CDH13: variants seen among roughly 807,000 people sequenced by gnomAD.
CDH13 encodes the protein cadherin 13, also known as cadherin-13.
A neutral mutation model predicts 63.8 loss-of-function variants in CDH13; 24 were observed. That is an observed-to-expected ratio of 0.38 (90% CI 0.27 to 0.53). The LOEUF is 0.53. Among genes scored for constraint, CDH13 ranks in the 20% least tolerant of loss-of-function variants. The pLI is 0.85. For synonymous variants in CDH13, 503 were observed against 355.3 expected, an observed-to-expected ratio of 1.42 and a Z score of -4.67; for missense variants, 1,049 against 903.1, an observed-to-expected ratio of 1.16 and a Z score of -2.07.
intron 2 of CDH13, among the ~76,000 whole-genome samples, chr16:82,882,415 C>T (rs2040736305): frequency 6.6e-6 from 1 of 152,158 alleles, no homozygotes. Context: ...AACTCCGCTG[C>T]CAATGACCAC....
At chr16:83,030,072 C>T (rs1416975141) in intron 2 of CDH13, among the ~76,000 whole-genome samples, 1 of 152,182 alleles carries the variant, frequency 6.6e-6, no homozygotes, top group Non-Finnish European at 1.5e-5. Flanking sequence ...GATCAGCCGT[C>T]ACAGCCTCTG....
intron 1 of CDH13, among the ~76,000 whole-genome samples, chr16:82,854,490 C>G (rs1438525688): frequency 6.6e-6 from 1 of 151,584 alleles, no homozygotes; most frequent in Non-Finnish European, 1.5e-5. Flanking sequence ...AGATATTTAG[C>G]TTTTGGGGAA....
At chr16:82,995,815 C>T (rs1394876207) in intron 2 of CDH13, among the ~76,000 whole-genome samples, 1 of 152,128 alleles carries the variant, frequency 6.6e-6, no homozygotes, top group Non-Finnish European at 1.5e-5. Flanking sequence ...GATCACGCTG[C>T]ATCCATTGAG....
intron 5 of CDH13, among the ~76,000 whole-genome samples, chr16:83,235,026 C>A (rs1270991150): frequency 6.6e-6 from 1 of 152,124 alleles, no homozygotes; most frequent in Non-Finnish European, 1.5e-5. Context: ...GAGATTCCAT[C>A]TCTACAAAGT....
intron 10 of CDH13, among the ~76,000 whole-genome samples, chr16:83,691,538 C>T (rs1453772872): frequency 2.6e-5 from 4 of 152,202 alleles, no homozygotes; most frequent in South Asian, 2.1e-4. Context: ...AGTACATAGC[C>T]AGCCAGGTGC....
chr16:83,617,789 A>T (rs1177770527), intron 8 of CDH13, among the ~76,000 whole-genome samples: 1 of 151,922 alleles, frequency 6.6e-6, no homozygotes, highest in Admixed American at 6.6e-5. Context: ...ATATGCACAT[A>T]TCTTAATATG....
intron 11 of CDH13, among the ~76,000 whole-genome samples, chr16:83,748,785 T>A (rs1233833919): frequency 6.6e-6 from 1 of 152,242 alleles, no homozygotes; most frequent in Non-Finnish European, 1.5e-5. Flanking sequence ...CCTGATTAGA[T>A]GCTGGGGGCG....
At chr16:82,964,263 C>A (rs1351503147) in intron 2 of CDH13, among the ~76,000 whole-genome samples, 1 of 152,210 alleles carries the variant, frequency 6.6e-6, no homozygotes, top group East Asian at 1.9e-4. Context: ...GCATTTTACT[C>A]TGTAATACAG....
At chr16:83,691,308 TGGGTATCA>T (rs1904857269) in intron 10 of CDH13, among the ~76,000 whole-genome samples, 1 of 152,124 alleles carries the variant, frequency 6.6e-6, no homozygotes, top group African/African-American at 2.4e-5. Flanking sequence ...GCACATGAGC[TGGGTATCA>T]GGGGGCGTTT....
At chr16:83,526,578 G>C (rs374481326) in intron 7 of CDH13, among the ~76,000 whole-genome samples, 1 of 152,192 alleles carries the variant, frequency 6.6e-6, no homozygotes, top group East Asian at 1.9e-4. Context: ...TCGCTTGCTA[G>C]CCCACTGCTC....
intron 2 of CDH13, among the ~76,000 whole-genome samples, chr16:82,939,395 C>G (rs1035272361): frequency 6.8e-6 from 1 of 146,536 alleles, no homozygotes; most frequent in East Asian, 2.2e-4. Flanking sequence ...TGCACTCCAG[C>G]CTGGGTGACA....
intron 2 of CDH13, among the ~76,000 whole-genome samples, chr16:83,019,789 C>A (rs928316443): frequency 6.7e-6 from 1 of 149,100 alleles, no homozygotes; most frequent in Non-Finnish European, 1.5e-5. Flanking sequence ...AGCCACCATG[C>A]CCGGCCAGTA....
chr16:83,506,605 A>G (rs1044807561), intron 7 of CDH13, among the ~76,000 whole-genome samples: 1 of 152,096 alleles, frequency 6.6e-6, no homozygotes, highest in African/African-American at 2.4e-5. Context: ...AGTGATTCTC[A>G]CCTCATGGTA....
chr16:83,080,429 G>A (rs370713691), intron 3 of CDH13, among the ~76,000 whole-genome samples: 13 of 152,294 alleles, frequency 8.5e-5, no homozygotes, highest in East Asian at 5.8e-4. Flanking sequence ...TTTCAACTAC[G>A]TTCTATCCTC....
At chr16:83,582,284 T>G (rs1357505268) in intron 7 of CDH13, among the ~76,000 whole-genome samples, 1 of 150,700 alleles carries the variant, frequency 6.6e-6, no homozygotes, top group Admixed American at 6.6e-5. Context: ...GCTTAATCCT[T>G]TTTTTTTTCC....
At chr16:83,518,459 T>A (rs1484129401) in intron 7 of CDH13, among the ~76,000 whole-genome samples, 1 of 141,816 alleles carries the variant, frequency 7.1e-6, no homozygotes, top group Non-Finnish European at 1.5e-5. Flanking sequence ...TGTGATGGGT[T>A]TTTTTTTGTT....
chr16:83,229,729 A>G lies in CDH13; in HGVS notation c.636+12232A>G, dbSNP rs75724167. On this transcript the variant is annotated intron_variant, in intron 5 of 13. Transcript: ENST00000567109. The stretch of plus-strand genomic sequence containing the variant: ...TGCATAATAGGCTCCTTTAAGTAAA[A>G]TCCACCTTTTCTGGAATCATGTTGG... Among the ~76,000 whole-genome samples, 1,202 of 152,230 alleles carry G rather than the reference A, an allele frequency of 7.9e-3. 6 individuals are homozygous for G. The highest frequency in any genetic ancestry group is 0.012 in the Non-Finnish European group (813 of 68,020).
intron 1 of CDH13, among the ~76,000 whole-genome samples, chr16:82,674,686 C>T (rs988353852): frequency 6.6e-6 from 1 of 152,190 alleles, no homozygotes; most frequent in African/African-American, 2.4e-5. Flanking sequence ...TGTCAGCCAT[C>T]TCCTGTGCTA....
chr16:83,690,151 C>A (rs1421483276), intron 10 of CDH13, among the ~76,000 whole-genome samples: 1 of 151,862 alleles, frequency 6.6e-6, no homozygotes, highest in Admixed American at 6.6e-5. Context: ...CCAGCCTAGG[C>A]AACAAGAGCA....
Sources: gnomAD v4.1 joint callset for allele counts (sites outside exome capture counted in the v4.1 genomes callset) on GRCh38, gnomAD v4.1.1 for gene constraint, MANE v1.5 for transcripts, NCBI Gene and HGNC (gene_info 2026-07-23, HGNC 2026-07-21) for gene names.